The following DEPDC5 variants were observed in gnomAD, a reference collection of about 807,000 sequenced individuals.
The protein encoded by DEPDC5 is GATOR1 complex protein DEPDC5.
A neutral mutation model predicts 217.3 loss-of-function variants in DEPDC5; 73 were observed. The observed-to-expected ratio is 0.34, with a 90% confidence interval of 0.28 to 0.41. The LOEUF (loss-of-function observed/expected upper bound fraction) is 0.41. Among genes scored for constraint, DEPDC5 ranks in the 10% least tolerant of loss-of-function variants. The pLI is 1.00. For missense variants in DEPDC5, 1,675 were observed against 2,070.1 expected (o/e 0.81, Z 3.70); for synonymous variants, 733 against 756.7 (o/e 0.97, Z 0.51).
chr22:31,829,513 T>C (rs116372508), intron 24 of DEPDC5, among the ~76,000 whole-genome samples: 5,233 of 151,942 alleles, frequency 0.034, 145 homozygotes, highest in African/African-American at 0.073. Flanking sequence ...GCCAGGGTGA[T>C]AAGAGTGAAA....
At chr22:31,818,732 C>G (rs2148798903) in intron 21 of DEPDC5, among the ~76,000 whole-genome samples, 1 of 152,314 alleles carries the variant, frequency 6.6e-6, no homozygotes, top group African/African-American at 2.4e-5. Context: ...TCATTGCTTC[C>G]AGCTCAAAGT....
At position 31,906,167 on chromosome 22, in the gene DEPDC5, C is replaced by T; in HGVS notation, c.4520-38C>T. On this transcript the variant is annotated intron_variant, in intron 42 of 42. Coordinates refer to ENST00000651528, the MANE Select transcript of DEPDC5 (RefSeq NM_001242896.3). This position sits in a 1 kb window ranked among gnomAD's most constrained non-coding sequence, Gnocchi z 5.1. ...ACCTCAGCAGGCTCCAGGAGCCCTC[C>T]TGGTGGCTGCCACACAGGCGCTCCC... is the stretch of plus-strand genomic sequence containing the variant. The T allele has an allele frequency of 6.2e-7, 1 of 1,612,792 alleles. No homozygotes were observed. The highest frequency in any genetic ancestry group is 1.3e-5 in the African/African-American group (1 of 74,978).
intron 20 of DEPDC5, among the ~76,000 whole-genome samples, chr22:31,811,673 C>T (rs2088360345): frequency 1.3e-5 from 2 of 151,924 alleles, no homozygotes; most frequent in Non-Finnish European, 2.9e-5. Context: ...CCTCTGCCTC[C>T]CAAGTAGCTG....
At chr22:31,899,370 A>C (rs900887281) in intron 40 of DEPDC5, among the ~76,000 whole-genome samples, 3 of 151,896 alleles carry the variant, frequency 2.0e-5, no homozygotes, top group Non-Finnish European at 2.9e-5. Flanking sequence ...TTAAAGCCAA[A>C]GTCTTTTTTG....
At position 31,897,508 on chromosome 22, in the gene DEPDC5, C is replaced by T. The variant is rs775840567; in HGVS notation, c.4230C>T (p.Thr1410=). 49 of 1,613,578 alleles carry T rather than the reference C, an allele frequency of 3.0e-5. No homozygotes were observed. Among genetic ancestry groups the T allele is most frequent in the Non-Finnish European group, 3.5e-5 (41 of 1,179,714 alleles). ...TCCAAGGTTGGCATCGGAAAGCCAC[C>T]TCCTGTGGCTTCTTGTTAGTCCCAG... ...EMVQGWHRKA[T]SCGFLLVPVL... is the part of the protein sequence containing the mutation. Residue 1410 remains threonine, a synonymous_variant, in exon 40 of 43, where the codon ACC becomes ACT. Coordinates refer to ENST00000651528, the MANE Select transcript of DEPDC5 (RefSeq NM_001242896.3).
chr22:31,774,033 T>C (rs1282676910), intron 7 of DEPDC5, among the ~76,000 whole-genome samples: 2 of 151,982 alleles, frequency 1.3e-5, no homozygotes, highest in African/African-American at 4.8e-5. Flanking sequence ...ATCGTGCCAT[T>C]GCACTCCACC....
chr22:31,801,776 C>T (rs1424299923), intron 14 of DEPDC5, among the ~76,000 whole-genome samples: 3 of 152,110 alleles, frequency 2.0e-5, no homozygotes, highest in East Asian at 1.9e-4. Flanking sequence ...AGTGATGATA[C>T]GCGTACACAT....
At chr22:31,763,044 G>T (rs1384725001) in intron 4 of DEPDC5, among the ~76,000 whole-genome samples, 2 of 151,828 alleles carry the variant, frequency 1.3e-5, no homozygotes, top group Non-Finnish European at 2.9e-5. Flanking sequence ...AGGCTGGAAC[G>T]CAATGACATG....
At chr22:31,887,167 C>T (rs1447482881) in intron 38 of DEPDC5, among the ~76,000 whole-genome samples, 1 of 151,408 alleles carries the variant, frequency 6.6e-6, no homozygotes, top group Admixed American at 6.6e-5. Context: ...GCCTGTAATC[C>T]CAGCACTTTG....
At chr22:31,856,355 C>G (rs1384464556) in intron 31 of DEPDC5, among the ~76,000 whole-genome samples, 2 of 152,174 alleles carry the variant, frequency 1.3e-5, no homozygotes, top group Admixed American at 6.5e-5. Flanking sequence ...GGGACAACAA[C>G]AAGGCCATGG....
chr22:31,779,754 G>A (rs2084235328), intron 8 of DEPDC5, among the ~76,000 whole-genome samples: 1 of 152,126 alleles, frequency 6.6e-6, no homozygotes. Context: ...TGTAATTCAT[G>A]GTTGGTACAA....
chr22:31,760,753 C>T, intron 4 of DEPDC5, 51 bp downstream of exon 4: 1 of 1,433,196 alleles, frequency 7.0e-7, no homozygotes. Context: ...GCCTCAGAAA[C>T]TGTAAGAAAT....
intron 37 of DEPDC5, among the ~76,000 whole-genome samples, chr22:31,878,237 C>T (rs560061081): frequency 6.6e-6 from 1 of 152,072 alleles, no homozygotes; most frequent in Non-Finnish European, 1.5e-5. Context: ...TGCCACTCCC[C>T]ATGCTCTCTT....
At chr22:31,893,384 C>G (rs2093481978) in intron 38 of DEPDC5, among the ~76,000 whole-genome samples, 198 bp from the exon 39 acceptor site, 1 of 152,144 alleles carries the variant, frequency 6.6e-6, no homozygotes, top group African/African-American at 2.4e-5. Context: ...ATATGTCTCA[C>G]AAAATGTAAA....
At chr22:31,856,634 G>A (rs560696804) in intron 31 of DEPDC5, among the ~76,000 whole-genome samples, 4 of 152,282 alleles carry the variant, frequency 2.6e-5, no homozygotes, top group African/African-American at 7.2e-5. Context: ...TTTGTCTTGC[G>A]TTATGAGATA....
intron 21 of DEPDC5, chr22:31,816,373 C>T (rs1307794249): frequency 6.6e-6 from 1 of 150,492 alleles, no homozygotes; most frequent in Non-Finnish European, 1.5e-5. Flanking sequence ...TGATTTTGTA[C>T]CGAATTTATT....
In DEPDC5 at chr22:31,821,485, G is replaced by A. The variant is rs773830010; in HGVS notation, c.1871-17G>A. On this transcript the variant is annotated splice_polypyrimidine_tract_variant and intron_variant, in intron 22 of 42. Coordinates refer to ENST00000651528, the MANE Select transcript of DEPDC5 (RefSeq NM_001242896.3). Reference sequence around the variant, plus strand: ...TATCAGGTGGGAATGATGCTCAGTGGTTCTTTATCTGGGTAGGGCCATCCG... The same window carrying A: ...TATCAGGTGGGAATGATGCTCAGTGATTCTTTATCTGGGTAGGGCCATCCG... 2 of 1,613,608 alleles carry A rather than the reference G, an allele frequency of 1.2e-6. No individual in the cohort carries two copies. The highest frequency in any genetic ancestry group is 1.7e-6 in the Non-Finnish European group (2 of 1,179,558).
At chr22:31,779,332 C>T (rs2084190472) in intron 8 of DEPDC5, among the ~76,000 whole-genome samples, 1 of 152,114 alleles carries the variant, frequency 6.6e-6, no homozygotes, top group African/African-American at 2.4e-5. Flanking sequence ...AATTAATTGC[C>T]AGAGTGCTCA....
Position 31,819,120 on chromosome 22 carries a change from G to C in DEPDC5, c.1765G>C (p.Gly589Arg). 6.2e-7 allele frequency: 1 copy of C among 1,614,156 alleles called. No individual in the cohort carries two copies. Among genetic ancestry groups the C allele is most frequent in the Non-Finnish European group, 8.5e-7 (1 of 1,180,022 alleles). The stretch of plus-strand genomic sequence containing the variant: ...AGAATCCATGCTGCATGTTCGACCT[G>C]GTGGATACACGCCCCAGAGAGCACT... Reference protein sequence around the residue: ...SAESMLHVRPGGYTPQRALIN... With the variant: ...SAESMLHVRPRGYTPQRALIN... The change falls in exon 22 of 43, where the codon GGT (glycine) becomes CGT (arginine). Residue 589 changes from glycine to arginine, a missense_variant. Coordinates refer to ENST00000651528, the MANE Select transcript of DEPDC5 (RefSeq NM_001242896.3).
Sources: gnomAD v4.1 joint callset for allele counts (sites outside exome capture counted in the v4.1 genomes callset) on GRCh38, gnomAD v4.1.1 for gene constraint, Gnocchi (gnomAD v3.1) non-coding constraint, MANE v1.5 for transcripts, NCBI Gene and HGNC (gene_info 2026-07-23, HGNC 2026-07-21) for gene names.